The following TBX21 variants were observed in gnomAD, a reference collection of about 807,000 sequenced individuals.
The protein encoded by TBX21 is T-box transcription factor TBX21.
In TBX21, 11 loss-of-function variants were observed where a neutral mutation model predicts 52.2. That is an observed-to-expected ratio of 0.21 (90% CI 0.13 to 0.35). TBX21 has a LOEUF of 0.35. Among genes scored for constraint, TBX21 ranks in the 10% least tolerant of loss-of-function variants. The pLI is 1.00. For synonymous variants in TBX21, 300 were observed against 316.1 expected, an observed-to-expected ratio of 0.95 and a Z score of 0.54; for missense variants, 625 against 755.1, an observed-to-expected ratio of 0.83 and a Z score of 2.02.
At chr17:47,743,472 G>T (rs183676377) in intron 3 of TBX21, among the ~76,000 whole-genome samples, 2 of 152,276 alleles carry the variant, frequency 1.3e-5, no homozygotes, top group East Asian at 1.9e-4. Context: ...CAGCCTCAGG[G>T]TTTCTTCACC....
intron 3 of TBX21, among the ~76,000 whole-genome samples, 169 bp from the exon 4 acceptor site, chr17:47,744,026 C>A (rs1391742028): frequency 6.6e-6 from 1 of 152,082 alleles, no homozygotes; most frequent in African/African-American, 2.4e-5. Flanking sequence ...AGAGTCCGGA[C>A]ACTGGAGTTG....
Position 47,745,159 on chromosome 17 carries a change from A to G in TBX21, c.1401A>G (p.Gly467=), listed in dbSNP as rs779478307. 6 of 1,614,112 alleles carry G rather than the reference A, an allele frequency of 3.7e-6. No individual in the cohort carries two copies. The Admixed American group carries it at 1.0e-4, about 27-fold the overall frequency. ...EPGPGGSEGR[G]PEDQGPPLVW... Reference sequence around the variant, plus strand: ...GCCCTGGAGGCTCAGAGGGACGGGGACCAGAGGACCAGGGTCCCCCCTTGG... The same window carrying G: ...GCCCTGGAGGCTCAGAGGGACGGGGGCCAGAGGACCAGGGTCCCCCCTTGG... Residue 467 remains glycine, a synonymous_variant, in exon 6 of 6, where the codon GGA becomes GGG. Transcript: ENST00000177694.
rs560000670 is a variant in TBX21 at position 47,744,902 on chromosome 17, C to T, written c.1144C>T (p.Pro382Ser). 5 of 1,614,200 alleles carry T rather than the reference C, an allele frequency of 3.1e-6. No individual in the cohort carries two copies. In the South Asian group the frequency reaches 3.3e-5, roughly 11 times the overall value. Residue 382 changes from proline (P) to serine (S), a missense_variant, in exon 6 of 6, where the codon CCC becomes TCC. Physicochemically the swap from Pro to Ser is moderately conservative, Grantham distance 74. Around this residue, in one of 4 missense-constraint regions of TBX21, gnomAD observed 261 missense variants for 275.1 expected, o/e 0.95. Coordinates refer to ENST00000177694, the MANE Select transcript of TBX21 (RefSeq NM_013351.2). ...DLPGQAKDVV[P>S]QAYWLGAPRD... ...TCCTGGCCAGGCGAAGGATGTGGTT[C>T]CCCAGGCTTACTGGCTGGGGGCCCC...
chr17:47,745,466 T>C lies in TBX21; in HGVS notation c.*100T>C. ...AAGGACTGAGAAGGCCCCCGCTCCCTCTGGCCCTTCTCTGTTTAGTAGTTG... is the reference window on the plus strand; with the variant it reads ...AAGGACTGAGAAGGCCCCCGCTCCCCCTGGCCCTTCTCTGTTTAGTAGTTG... On this transcript the variant is annotated 3_prime_UTR_variant, in exon 6 of 6. Coordinates refer to ENST00000177694, the MANE Select transcript of TBX21 (RefSeq NM_013351.2). 6.8e-7 allele frequency: 1 copy of C among 1,470,500 alleles called. No homozygotes were observed. Among genetic ancestry groups the C allele is most frequent in the Non-Finnish European group, 9.0e-7 (1 of 1,106,584 alleles). 91.1% of individuals were successfully genotyped at this position (1,470,500 alleles called of 1,614,324 possible).
intron 1 of TBX21, among the ~76,000 whole-genome samples, chr17:47,739,116 G>C (rs1043784561): frequency 1.3e-5 from 2 of 152,020 alleles, no homozygotes; most frequent in African/African-American, 4.8e-5. Context: ...TATGAGGGTG[G>C]GATGGTAAGT....
Position 47,742,750 on chromosome 17 carries a change from A to G in TBX21, c.632A>G (p.Glu211Gly). 6.4e-7 allele frequency: 1 copy of G among 1,574,190 alleles called. No homozygotes were observed. Among genetic ancestry groups the G allele is most frequent in the Non-Finnish European group, 8.6e-7 (1 of 1,159,582 alleles). ...SGKWVQCGKA[E>G]GSMPGNRLYV... The stretch of plus-strand genomic sequence containing the variant: ...AAGTGGGTGCAGTGTGGAAAGGCCG[A>G]GGGCAGCATGCCAGGTGCGCGCGCC... Residue 211 changes from glutamate to glycine, a missense_variant, in exon 2 of 6, where the codon GAG becomes GGG. By Grantham distance (98) the Glu-to-Gly change is moderately conservative. This residue lies in a region of TBX21 where 142 missense variants were observed against 258.5 expected (regional missense o/e 0.55). Transcript: ENST00000177694. This position sits in a 1 kb window ranked among gnomAD's most constrained non-coding sequence, Gnocchi z 4.4.
In TBX21 at chr17:47,733,856, G is replaced by A; in HGVS notation, c.402G>A (p.Ser134=). Residue 134 remains serine, a synonymous_variant, in exon 1 of 6, where the codon TCG becomes TCA. Coordinates refer to ENST00000177694, the MANE Select transcript of TBX21 (RefSeq NM_013351.2). The surrounding 1 kb of genome is among the most constrained non-coding windows in gnomAD (Gnocchi z 6.6). ...CGCTACCCGCGGGACTGGAGGTGTC[G>A]GGGAAACTGAGGGTCGCGCTCAACA... ...DYALPAGLEV[S]GKLRVALNNH... 1 of 1,612,312 alleles carries A rather than the reference G, an allele frequency of 6.2e-7. No homozygotes were observed. The highest frequency in any genetic ancestry group is 8.5e-7 in the Non-Finnish European group (1 of 1,179,568).
rs781173694 is a variant in TBX21, at chr17:47,743,157, A to T, written c.733A>T (p.Thr245Ser). ...QEVSFGKLKLTNNKGASNNVT... is the reference protein window; with the variant it reads ...QEVSFGKLKLSNNKGASNNVT... ...AGTTTCATTTGGGAAACTAAAGCTC[A>T]CAAACAACAAGGGGGCGTCCAACAA... is the stretch of plus-strand genomic sequence containing the variant. Residue 245 changes from threonine to serine, a missense_variant, in exon 3 of 6, where the codon ACA (threonine) becomes TCA (serine). Physicochemically the swap from Thr to Ser is moderately conservative, Grantham distance 58. This residue lies in a region of TBX21 where 142 missense variants were observed against 258.5 expected (regional missense o/e 0.55). Coordinates refer to ENST00000177694, the MANE Select transcript of TBX21 (RefSeq NM_013351.2). The T allele has an allele frequency of 3.1e-6, 5 of 1,614,070 alleles. No individual in the cohort carries two copies. In the Admixed American group the frequency reaches 8.3e-5, roughly 27 times the overall value.
At chr17:47,734,607 G>GTA (rs2032186359) in intron 1 of TBX21, among the ~76,000 whole-genome samples, 4 of 97,500 alleles carry the variant, frequency 4.1e-5, no homozygotes, top group African/African-American at 1.3e-4. Flanking sequence ...GTGTGTGTGT[G>GTA]TGTATGTGTG....
In TBX21 at chr17:47,743,093, G is replaced by A. The variant is rs375160447; in HGVS notation, c.669G>A (p.Pro223=). ...CAGGAAACCGCCTGTACGTCCACCC[G>A]GACTCCCCCAACACAGGAGCGCACT... ...SMPGNRLYVH[P]DSPNTGAHWM... is the part of the protein sequence containing the mutation. Residue 223 remains proline (P), a synonymous_variant, in exon 3 of 6, where the codon CCG becomes CCA. Coordinates refer to ENST00000177694, the MANE Select transcript of TBX21 (RefSeq NM_013351.2). 19 of 1,614,010 alleles carry A rather than the reference G, an allele frequency of 1.2e-5. No individual in the cohort carries two copies. Among genetic ancestry groups the A allele is most frequent in the African/African-American group, 4.0e-5 (3 of 74,922 alleles).
chr17:47,738,798 A>G (rs939478010), intron 1 of TBX21, among the ~76,000 whole-genome samples: 2 of 151,906 alleles, frequency 1.3e-5, no homozygotes, highest in Non-Finnish European at 1.5e-5. Context: ...ATGGGGTTTC[A>G]CCATGTTACC....
intron 1 of TBX21, among the ~76,000 whole-genome samples, chr17:47,735,391 T>C (rs2032197050): frequency 6.6e-6 from 1 of 152,110 alleles, no homozygotes; most frequent in African/African-American, 2.4e-5. Flanking sequence ...CTTCTGATAA[T>C]TTCTCTCTGC....
At position 47,744,337 on chromosome 17, in the gene TBX21, C is replaced by T; in HGVS notation, c.911C>T (p.Ala304Val). ...GAAACCCAGTTCATTGCCGTGACTGCCTACCAGAATGCCGAGGTGAGGGCT... is the reference window on the plus strand; with the variant it reads ...GAAACCCAGTTCATTGCCGTGACTGTCTACCAGAATGCCGAGGTGAGGGCT... ...FQETQFIAVT[A>V]YQNAEITQLK... Residue 304 changes from alanine to valine, a missense_variant, in exon 4 of 6, where the codon GCC (alanine) becomes GTC (valine). Coordinates refer to ENST00000177694, the MANE Select transcript of TBX21 (RefSeq NM_013351.2). The T allele has an allele frequency of 6.2e-7, 1 of 1,614,206 alleles. No homozygotes were observed. The highest frequency in any genetic ancestry group is 8.5e-7 in the Non-Finnish European group (1 of 1,180,050).
intron 1 of TBX21, among the ~76,000 whole-genome samples, chr17:47,737,769 G>A (rs892856015): frequency 2.6e-5 from 4 of 152,020 alleles, no homozygotes; most frequent in Admixed American, 2.6e-4. Context: ...GGGATTACAG[G>A]CAGAAGCCAC....
chr17:47,742,557 T>G lies in TBX21; in HGVS notation c.492-53T>G. Reference sequence around the variant, plus strand: ...GCCTGGGCACTGTTGCAGGGGGGACTGGCTGTCAAGCTGGAGCTGATGGGT... The same window carrying G: ...GCCTGGGCACTGTTGCAGGGGGGACGGGCTGTCAAGCTGGAGCTGATGGGT... On this transcript the variant is annotated intron_variant, in intron 1 of 5. Transcript: ENST00000177694. This position sits in a 1 kb window ranked among gnomAD's most constrained non-coding sequence, Gnocchi z 4.4. 6.5e-7 allele frequency: 1 copy of G among 1,529,262 alleles called. No individual in the cohort carries two copies. Among genetic ancestry groups the G allele is most frequent in the Non-Finnish European group, 8.8e-7 (1 of 1,133,822 alleles). The allele number at this position is 1,529,262 out of a possible 1,614,324, so 94.7% of individuals were successfully genotyped here.
rs1170624746 is a variant in TBX21 at position 47,733,639 on chromosome 17, C to A, written c.185C>A (p.Ala62Asp). The A allele has an allele frequency of 1.4e-6, 2 of 1,448,922 alleles. No individual in the cohort carries two copies. Among genetic ancestry groups the A allele is most frequent in the Admixed American group, 5.4e-5 (2 of 37,094 alleles). The allele number at this position is 1,448,922 out of a possible 1,614,324, so 89.8% of individuals were successfully genotyped here. The change falls in exon 1 of 6, where the codon GCC (alanine) becomes GAC (aspartate). Residue 62 changes from alanine to aspartate, a missense_variant. Ala to Asp is a moderately radical substitution (Grantham distance 126, BLOSUM62 -2). This residue lies in a region of TBX21 where 221 missense variants were observed against 204.9 expected (regional missense o/e 1.08). Transcript: ENST00000177694. This position sits in a 1 kb window ranked among gnomAD's most constrained non-coding sequence, Gnocchi z 6.6. The part of the protein sequence containing the change: ...GSLGSPYPGG[A>D]LVPAPPSRFL... ...CTGGGGTCTCCCTACCCGGGGGGCG[C>A]CTTGGTGCCCGCCCCGCCGAGCCGC...
chr17:47,744,491 C>T lies in TBX21; in HGVS notation c.937C>T (p.Leu313=). ...TAYQNAEITQ[L]KIDNNPFAKG... is the part of the protein sequence containing the mutation. Reference sequence around the variant, plus strand: ...TTTCCCTTCTCTCTAGATTACTCAGCTGAAAATTGATAATAACCCCTTTGC... The same window carrying T: ...TTTCCCTTCTCTCTAGATTACTCAGTTGAAAATTGATAATAACCCCTTTGC... Residue 313 remains leucine (L), a synonymous_variant, in exon 5 of 6, where the codon CTG becomes TTG. Transcript: ENST00000177694. 6.2e-7 allele frequency: 1 copy of T among 1,614,168 alleles called. No individual in the cohort carries two copies. Among genetic ancestry groups the T allele is most frequent in the Non-Finnish European group, 8.5e-7 (1 of 1,180,028 alleles).
chr17:47,745,236 G>A lies in TBX21; in HGVS notation c.1478G>A (p.Gly493Asp). The change falls in exon 6 of 6, where the codon GGC becomes GAC. Residue 493 changes from glycine to aspartate, a missense_variant. Physicochemically the swap from Gly to Asp is moderately conservative, Grantham distance 94. Around this residue, in one of 4 missense-constraint regions of TBX21, gnomAD observed 261 missense variants for 275.1 expected, o/e 0.95. Coordinates refer to ENST00000177694, the MANE Select transcript of TBX21 (RefSeq NM_013351.2). ...CCGGAATCCAGTGATTCAGGACTGG[G>A]CGAAGGAGACTCTAAGAGGAGGCGC... ...IRPESSDSGL[G>D]EGDSKRRRVS... 3.1e-6 allele frequency: 5 copies of A among 1,614,266 alleles called. No homozygotes were observed. The highest frequency in any genetic ancestry group is 1.3e-5 in the African/African-American group (1 of 75,072).
Position 47,733,976 on chromosome 17 carries a change from C to CT in TBX21, c.491+32dup, listed in dbSNP as rs760030724. ...TGCGGCGCGCCGGCCCTTGGGGCCT[C>CT]TGTGCCCGCGCCGGAACAAGAACGT... On this transcript the variant is annotated intron_variant, in intron 1 of 5. Coordinates refer to ENST00000177694, the MANE Select transcript of TBX21 (RefSeq NM_013351.2). The surrounding 1 kb of genome is among the most constrained non-coding windows in gnomAD (Gnocchi z 6.6). 11 of 1,612,180 alleles carry CT rather than the reference C, an allele frequency of 6.8e-6. No individual in the cohort carries two copies. Among genetic ancestry groups the CT allele is most frequent in the Non-Finnish European group, 9.3e-6 (11 of 1,179,220 alleles).
Sources: allele counts gnomAD v4.1 joint callset (sites outside exome capture counted in the v4.1 genomes callset), GRCh38; gene constraint gnomAD v4.1.1; regional missense constraint gnomAD v4.1.1; non-coding constraint Gnocchi (gnomAD v3.1); transcripts MANE v1.5; gene names NCBI Gene and HGNC (gene_info 2026-07-23, HGNC 2026-07-21).